Variants in BCAS3 observed in about 807,000 individuals in gnomAD.
The protein encoded by BCAS3 is BCAS4/BCAS3 fusion.
Under a neutral mutation model 116.1 loss-of-function variants are expected in BCAS3, and 53 were observed. The observed-to-expected ratio is 0.46, with a 90% CI of 0.37 to 0.57. BCAS3 has a LOEUF of 0.57. Among genes scored for constraint, BCAS3 ranks in the 20% least tolerant of loss-of-function variants. The pLI is 0.00. For synonymous variants in BCAS3, 391 were observed against 408.2 expected, an observed-to-expected ratio of 0.96 and a Z score of 0.51; for missense variants, 917 against 1,165.4, an observed-to-expected ratio of 0.79 and a Z score of 3.10.
At chr17:60,901,252 G>A (rs1202477983) in intron 10 of BCAS3, among the ~76,000 whole-genome samples, 2 of 151,392 alleles carry the variant, frequency 1.3e-5, no homozygotes, top group Non-Finnish European at 2.9e-5. Flanking sequence ...TGTTGTTGTT[G>A]TTGTTGTTTT....
intron 6 of BCAS3, among the ~76,000 whole-genome samples, chr17:60,750,936 C>T (rs920663274): frequency 6.6e-6 from 1 of 152,144 alleles, no homozygotes; most frequent in African/African-American, 2.4e-5. Context: ...GCTACATTTG[C>T]AGGCTGTTTT....
chr17:61,285,453 T>C lies in BCAS3; in HGVS notation c.2426-82874T>C, dbSNP rs1473628475. On this transcript the variant is annotated intron_variant, in intron 22 of 23. Coordinates refer to ENST00000407086, the MANE Select transcript of BCAS3 (RefSeq NM_017679.5). This position sits in a 1 kb window ranked among gnomAD's most constrained non-coding sequence, Gnocchi z 5.4. ...TGGCCCTAAAGTGAAAAGCTCTACA[T>C]GCTTGGTTTGGTTTATCCATAGGAT... Among the ~76,000 whole-genome samples, 2 of 152,138 alleles carry C rather than the reference T, an allele frequency of 1.3e-5. No individual in the cohort carries two copies. The highest frequency in any genetic ancestry group is 2.9e-5 in the Non-Finnish European group (2 of 68,022).
rs200616462 is a variant in BCAS3 at position 61,294,567 on chromosome 17, G to A, written c.2426-73760G>A. On this transcript the variant is annotated intron_variant, in intron 22 of 23. Transcript: ENST00000407086. ...GCTATTTTAACACACTTCTTCAGGTGTTGGTGGGCAAACTGGCCTTGAAAG... is the reference window on the plus strand; with the variant it reads ...GCTATTTTAACACACTTCTTCAGGTATTGGTGGGCAAACTGGCCTTGAAAG... Among the ~76,000 whole-genome samples the A allele has an allele frequency of 2.6e-5, 4 of 152,204 alleles. No homozygotes were observed. In the East Asian group the frequency reaches 7.7e-4, roughly 29 times the overall value.
rs553156931 is a variant in BCAS3, at chr17:60,826,273, TC to T, written c.476+18200del. On this transcript the variant is annotated intron_variant, in intron 7 of 23. Coordinates refer to ENST00000407086, the MANE Select transcript of BCAS3 (RefSeq NM_017679.5). ...ATCTCGTCTTACTGCGGCCTTCACC[TC>T]CCGGTTTCAAGCAATTCTCAAGCCT... 1.8e-3 allele frequency among the ~76,000 whole-genome samples: 272 copies of T among 152,088 alleles called. 1 individual carries two copies. The highest frequency in any genetic ancestry group is 6.3e-3 in the African/African-American group (261 of 41,476).
chr17:60,865,022 G>A (rs913925564), intron 7 of BCAS3, among the ~76,000 whole-genome samples: 1 of 151,960 alleles, frequency 6.6e-6, no homozygotes, highest in African/African-American at 2.4e-5. Context: ...CAATAATAAC[G>A]TCAAAGATCA....
chr17:60,951,527 A>T (rs2060829765), intron 14 of BCAS3, among the ~76,000 whole-genome samples: 2 of 152,098 alleles, frequency 1.3e-5, no homozygotes, highest in Admixed American at 1.3e-4. Flanking sequence ...ATCCCCAAAC[A>T]TGTTTATTGT....
intron 16 of BCAS3, among the ~76,000 whole-genome samples, chr17:61,024,991 A>G (rs997559563): frequency 3.3e-5 from 5 of 152,114 alleles, no homozygotes; most frequent in Admixed American, 2.0e-4. Context: ...CTTCTGGACA[A>G]TTTGGTTAGT....
At position 61,339,622 on chromosome 17, in the gene BCAS3, C is replaced by T. The variant is rs1174074556; in HGVS notation, c.2426-28705C>T. On this transcript the variant is annotated intron_variant, in intron 22 of 23. Coordinates refer to ENST00000407086, the MANE Select transcript of BCAS3 (RefSeq NM_017679.5). The surrounding 1 kb of genome is among the most constrained non-coding windows in gnomAD (Gnocchi z 4.4). ...CTCTACTAAGAATACAAAAATTAGC[C>T]GGGCGTGGTGGTGCCCATCTGTAAT... is the stretch of plus-strand genomic sequence containing the variant. 2.0e-5 allele frequency among the ~76,000 whole-genome samples: 3 copies of T among 152,020 alleles called. No individual in the cohort carries two copies. The highest frequency in any genetic ancestry group is 6.6e-5 in the Admixed American group (1 of 15,242).
chr17:60,721,332 T>C (rs80035811), intron 5 of BCAS3, among the ~76,000 whole-genome samples: 1,570 of 152,276 alleles, frequency 0.01, 32 homozygotes, highest in African/African-American at 0.036. Flanking sequence ...CCTTAGACTG[T>C]AGATACAGTG....
At chr17:60,727,504 TC>T in intron 5 of BCAS3, 1 of 1,454,782 alleles carries the variant, frequency 6.9e-7, no homozygotes, top group Non-Finnish European at 9.1e-7. Flanking sequence ...GGCTGTTCCG[TC>T]TATGTGATGA....
intron 7 of BCAS3, among the ~76,000 whole-genome samples, chr17:60,859,847 G>A (rs2054009536): frequency 6.6e-6 from 1 of 152,152 alleles, no homozygotes; most frequent in South Asian, 2.1e-4. Context: ...AGAATTACAA[G>A]CATGAGCCAC....
Position 61,020,019 on chromosome 17 carries a change from T to A in BCAS3, c.1637+4118T>A, listed in dbSNP as rs1284941477. Among the ~76,000 whole-genome samples the A allele has an allele frequency of 6.6e-5, 10 of 152,228 alleles. No homozygotes were observed. Among genetic ancestry groups the A allele is most frequent in the Admixed American group, 5.9e-4 (9 of 15,280 alleles). Reference sequence around the variant, plus strand: ...ATTCTGTTTTCAATATACCTGATAATGTAGTTGGTAAAATTATGTACTTAG... The same window carrying A: ...ATTCTGTTTTCAATATACCTGATAAAGTAGTTGGTAAAATTATGTACTTAG... On this transcript the variant is annotated intron_variant, in intron 16 of 23. Transcript: ENST00000407086. The surrounding 1 kb of genome is among the most constrained non-coding windows in gnomAD (Gnocchi z 4.5).
intron 22 of BCAS3, among the ~76,000 whole-genome samples, chr17:61,101,275 T>C (rs1033649472): frequency 6.6e-6 from 1 of 152,128 alleles, no homozygotes; most frequent in Non-Finnish European, 1.5e-5. Flanking sequence ...ACAGTTATTT[T>C]CAGCTAGGAA....
intron 10 of BCAS3, among the ~76,000 whole-genome samples, chr17:60,895,136 T>C (rs1037800076): frequency 5.9e-5 from 9 of 152,086 alleles, no homozygotes; most frequent in Non-Finnish European, 4.4e-5. Context: ...TCAGGAAAAT[T>C]GGTGATCTCT....
At chr17:61,283,995 C>T (rs536919133) in intron 22 of BCAS3, among the ~76,000 whole-genome samples, 12 of 152,108 alleles carry the variant, frequency 7.9e-5, no homozygotes, top group Admixed American at 3.9e-4. Context: ...TTTGGTATTA[C>T]GATCTTGAGA....
intron 22 of BCAS3, among the ~76,000 whole-genome samples, chr17:61,230,452 G>GTCTC (rs1430843063): frequency 2.0e-5 from 3 of 151,952 alleles, no homozygotes; most frequent in Non-Finnish European, 2.9e-5. Flanking sequence ...CCCGTGCCCT[G>GTCTC]TCTCTCCCTC....
intron 13 of BCAS3, among the ~76,000 whole-genome samples, chr17:60,926,712 A>T (rs919520667): frequency 2.0e-5 from 3 of 152,146 alleles, no homozygotes; most frequent in African/African-American, 7.2e-5. Context: ...GTGTTAGTGT[A>T]TATTTCATAT....
chr17:61,359,993 G>A (rs1241680523), intron 22 of BCAS3, among the ~76,000 whole-genome samples: 1 of 146,052 alleles, frequency 6.8e-6, no homozygotes, highest in East Asian at 2.0e-4. Flanking sequence ...TCAAAACAGT[G>A]GCCTCCCATA....
chr17:60,764,805 C>T (rs1217306043), intron 6 of BCAS3, among the ~76,000 whole-genome samples: 2 of 152,138 alleles, frequency 1.3e-5, no homozygotes, highest in Non-Finnish European at 2.9e-5. Flanking sequence ...GTGTTAAAGT[C>T]TCCCATTATT....
Sources: gnomAD v4.1 joint callset for allele counts (sites outside exome capture counted in the v4.1 genomes callset) on GRCh38, gnomAD v4.1.1 for gene constraint, Gnocchi (gnomAD v3.1) non-coding constraint, MANE v1.5 for transcripts, NCBI Gene and HGNC (gene_info 2026-07-23, HGNC 2026-07-21) for gene names.